The following IL1RAPL1 variants were observed in gnomAD, a reference collection of about 807,000 sequenced individuals.
IL1RAPL1 encodes interleukin 1 receptor accessory protein like 1, also known as interleukin-1 receptor accessory protein-like 1.
Under a neutral mutation model 48.4 loss-of-function variants are expected in IL1RAPL1, and 3 were observed. That is an observed-to-expected ratio of 0.06 (90% CI 0.03 to 0.16). The LOEUF is 0.16. Ranked by LOEUF, IL1RAPL1 falls within the 10% of genes least tolerant of loss-of-function variation. The pLI, the probability that IL1RAPL1 is intolerant of heterozygous loss-of-function variation, is 1.00. For missense variants in IL1RAPL1, 349 were observed against 530.6 expected (o/e 0.66, Z 3.36); for synonymous variants, 185 against 187.7 (o/e 0.99, Z 0.12).
At chrX:28,784,030 A>G (rs12390348) in intron 1 of IL1RAPL1, among the ~76,000 whole-genome samples, 107 of 112,197 alleles carry the variant, frequency 9.5e-4, no homozygotes, top group Non-Finnish European at 1.6e-3. Flanking sequence ...AAAAAAACAA[A>G]TGTATACATA....
chrX:29,660,955 T>C (rs1925830218), intron 5 of IL1RAPL1, among the ~76,000 whole-genome samples: 1 of 112,354 alleles, frequency 8.9e-6, no homozygotes, highest in Admixed American at 9.5e-5. Flanking sequence ...ATTCTTCCAA[T>C]GTATGATATG....
At chrX:29,618,460 A>G (rs978640564) in intron 5 of IL1RAPL1, among the ~76,000 whole-genome samples, 1 of 112,146 alleles carries the variant, frequency 8.9e-6, no homozygotes, top group African/African-American at 3.2e-5. Context: ...GCAGTCCGAA[A>G]TCACTTTTAC....
chrX:29,528,903 A>G (rs1005362304), intron 5 of IL1RAPL1, among the ~76,000 whole-genome samples: 5 of 111,228 alleles, frequency 4.5e-5, no homozygotes, highest in African/African-American at 1.6e-4. Context: ...AATTGGGCCT[A>G]TGACAGTTAA....
intron 1 of IL1RAPL1, among the ~76,000 whole-genome samples, chrX:28,648,822 A>G (rs943756102): frequency 1.8e-5 from 2 of 111,901 alleles, no homozygotes; most frequent in African/African-American, 6.5e-5. Flanking sequence ...GAACAATCAA[A>G]CCACTTGCTT....
intron 5 of IL1RAPL1, among the ~76,000 whole-genome samples, chrX:29,623,748 AT>A (rs1227812508): frequency 2.7e-5 from 3 of 112,314 alleles, no homozygotes; most frequent in Non-Finnish European, 5.6e-5. Context: ...TTGCTAGAAA[AT>A]ATTGGCATTC....
At chrX:29,260,138 A>G (rs73460463) in intron 2 of IL1RAPL1, among the ~76,000 whole-genome samples, 1,816 of 112,326 alleles carry the variant, frequency 0.016, 35 homozygotes, top group African/African-American at 0.056. Context: ...ATTCATTCTT[A>G]TTAAGATTTA....
At chrX:28,739,277 T>C (rs1175787071) in intron 1 of IL1RAPL1, among the ~76,000 whole-genome samples, 3 of 111,718 alleles carry the variant, frequency 2.7e-5, no homozygotes, top group Non-Finnish European at 5.6e-5. Context: ...TTTTCCATCA[T>C]TATCATGCTG....
chrX:29,362,991 G>A (rs2147660472), intron 3 of IL1RAPL1, among the ~76,000 whole-genome samples: 1 of 111,494 alleles, frequency 9.0e-6, no homozygotes, highest in Non-Finnish European at 1.9e-5. Context: ...TCATTTTACA[G>A]ACGAGAAAAC....
chrX:29,769,763 C>T (rs1048123532), intron 6 of IL1RAPL1, among the ~76,000 whole-genome samples: 2 of 107,062 alleles, frequency 1.9e-5, no homozygotes, highest in African/African-American at 3.4e-5. Context: ...ATTAGAGGCA[C>T]GGGCCACCAT....
chrX:28,880,325 A>T (rs1336466936), intron 2 of IL1RAPL1, among the ~76,000 whole-genome samples: 1 of 112,099 alleles, frequency 8.9e-6, no homozygotes, highest in African/African-American at 3.2e-5. Flanking sequence ...CCTCCCACAC[A>T]GTGCAGGAAT....
At chrX:29,334,285 G>C (rs1330172529) in intron 3 of IL1RAPL1, among the ~76,000 whole-genome samples, 3 of 68,315 alleles carry the variant, frequency 4.4e-5, no homozygotes. Context: ...GGGCAGAGGC[G>C]CCCCTCACCT....
At chrX:29,887,915 G>A (rs1033419280) in intron 6 of IL1RAPL1, among the ~76,000 whole-genome samples, 1 of 111,026 alleles carries the variant, frequency 9.0e-6, no homozygotes, top group African/African-American at 3.3e-5. Flanking sequence ...AATGACTGAT[G>A]GAGCTCTATA....
chrX:29,878,948 T>C (rs138869091), intron 6 of IL1RAPL1, among the ~76,000 whole-genome samples: 3,282 of 111,709 alleles, frequency 0.029, 127 homozygotes, highest in African/African-American at 0.1. Flanking sequence ...AACCTGCACA[T>C]GAATGTTTAT....
At chrX:28,913,467 T>G (rs974362011) in intron 2 of IL1RAPL1, among the ~76,000 whole-genome samples, 1 of 111,883 alleles carries the variant, frequency 8.9e-6, no homozygotes, top group African/African-American at 3.3e-5. Context: ...CTCCTCAAAT[T>G]GATGGCAAGC....
chrX:29,848,969 G>A (rs1160241021), intron 6 of IL1RAPL1, among the ~76,000 whole-genome samples: 2 of 110,232 alleles, frequency 1.8e-5, no homozygotes, highest in East Asian at 5.7e-4. Context: ...GTTTCACCAC[G>A]TTGGCCAGGC....
At chrX:29,684,681 A>C (rs1294879326) in intron 6 of IL1RAPL1, among the ~76,000 whole-genome samples, 1 of 111,561 alleles carries the variant, frequency 9.0e-6, no homozygotes, top group Non-Finnish European at 1.9e-5. Context: ...TTCGAGCATG[A>C]AGTTCTTTTC....
intron 2 of IL1RAPL1, among the ~76,000 whole-genome samples, chrX:28,950,772 G>A (rs1435054070): frequency 4.7e-5 from 5 of 106,160 alleles, no homozygotes; most frequent in Non-Finnish European, 9.7e-5. Context: ...CCATTACTGG[G>A]TATATACCCA....
intron 2 of IL1RAPL1, among the ~76,000 whole-genome samples, chrX:28,928,738 A>C (rs1468227084): frequency 8.9e-6 from 1 of 111,928 alleles, no homozygotes; most frequent in Non-Finnish European, 1.9e-5. Flanking sequence ...CAATCACTTC[A>C]ACCTATTACA....
chrX:29,592,017 G>A (rs1294621357), intron 5 of IL1RAPL1, among the ~76,000 whole-genome samples: 1 of 111,373 alleles, frequency 9.0e-6, no homozygotes, highest in East Asian at 2.8e-4. Context: ...TCTGATGAAC[G>A]GGTGAAAACC....
Sources: allele counts gnomAD v4.1 joint callset (sites outside exome capture counted in the v4.1 genomes callset), GRCh38; gene constraint gnomAD v4.1.1; transcripts MANE v1.5; gene names NCBI Gene and HGNC (gene_info 2026-07-23, HGNC 2026-07-21).